Variants in ARAF observed in about 807,000 individuals in gnomAD.
The protein encoded by ARAF is A-Raf proto-oncogene, serine/threonine kinase, also known as serine/threonine-protein kinase A-Raf.
Under a neutral mutation model 48.0 loss-of-function variants are expected in ARAF, and 18 were observed. The ratio of observed to expected loss-of-function variants is 0.37; its 90% confidence interval spans 0.26 to 0.56. The LOEUF (loss-of-function observed/expected upper bound fraction) is 0.56. ARAF is among the 20% of genes least tolerant of loss of function. The probability of loss-of-function intolerance (pLI) is 0.77; values close to 1 mark genes in which losing one functional copy is unlikely to be tolerated. For synonymous variants in ARAF, 207 were observed against 220.1 expected (o/e 0.94, Z 0.53); for missense variants, 389 against 543.1 (o/e 0.72, Z 2.82).
At chrX:47,569,380 C>A in intron 12 of ARAF, 159 bp from the exon 13 acceptor site, 1 of 502,275 alleles carries the variant, frequency 2.0e-6, no homozygotes, top group Non-Finnish European at 3.4e-6. Context: ...AGCAGGCGTT[C>A]CCTGCCCACG....
rs887715188 is a variant in ARAF at position 47,569,940 on chromosome X, G to A, written c.1467G>A (p.Gln489=). The change falls in exon 14 of 16, where the codon CAG becomes CAA. Residue 489 remains glutamine, a synonymous_variant. Coordinates refer to ENST00000377045, the MANE Select transcript of ARAF (RefSeq NM_001654.5). ...AGGACCCGAACCCCTACAGCTTCCAGTCAGACGTCTATGCCTACGGGGTTG... is the reference window on the plus strand; with the variant it reads ...AGGACCCGAACCCCTACAGCTTCCAATCAGACGTCTATGCCTACGGGGTTG... ...RMQDPNPYSF[Q]SDVYAYGVVL... is the part of the protein sequence containing the mutation. 4.2e-6 allele frequency: 5 copies of A among 1,203,937 alleles called. No homozygotes were observed. The highest frequency in any genetic ancestry group is 1.8e-5 in the South Asian group (1 of 55,832).
intron 14 of ARAF, 27 bp downstream of exon 14, chrX:47,570,051 C>T (rs1190451349): frequency 1.7e-6 from 2 of 1,197,791 alleles, no homozygotes; most frequent in Admixed American, 2.2e-5. Context: ...ACCCACAGTT[C>T]CCTGGGCTGA....
chrX:47,567,481 A>G, intron 10 of ARAF, 49 bp downstream of exon 10: 1 of 1,139,988 alleles, frequency 8.8e-7, no homozygotes, highest in Non-Finnish European at 1.2e-6. Context: ...CGGCCTTGGC[A>G]TCTCTCTGGG....
At chrX:47,571,113 G>A in intron 15 of ARAF, 101 bp downstream of exon 15, 1 of 515,483 alleles carries the variant, frequency 1.9e-6, no homozygotes, top group Admixed American at 6.0e-5. Flanking sequence ...GAGGTATAGT[G>A]TGTGTGTGTG....
At position 47,568,865 on chromosome X, in the gene ARAF, C is replaced by T. The variant is rs1034661343; in HGVS notation, c.1224C>T (p.Asp408=). ...GCTTCGACATGGTCCAGCTCATCGA[C>T]GTGGCCCGGCAGACTGCCCAGGGCA... ...DTRFDMVQLI[D]VARQTAQGMD... is the part of the protein sequence containing the mutation. The change falls in exon 11 of 16, where the codon GAC becomes GAT. Residue 408 remains aspartate, a synonymous_variant. Coordinates refer to ENST00000377045, the MANE Select transcript of ARAF (RefSeq NM_001654.5). The T allele has an allele frequency of 1.2e-5, 14 of 1,207,923 alleles. No individual in the cohort carries two copies. Among genetic ancestry groups the T allele is most frequent in the Admixed American group, 4.4e-5 (2 of 45,712 alleles).
Position 47,566,630 on chromosome X carries a change from C to T in ARAF, c.558-9C>T, listed in dbSNP as rs368550075. On this transcript the variant is annotated splice_polypyrimidine_tract_variant and intron_variant, in intron 6 of 15. Transcript: ENST00000377045. ...CCTGGCAGTGATTTCACAGCCTTTC[C>T]CCTGGCAGCCCCCGCACCCAGCACT... 5.2e-6 allele frequency: 6 copies of T among 1,145,965 alleles called. No individual in the cohort carries two copies. Among genetic ancestry groups the T allele is most frequent in the Non-Finnish European group, 7.0e-6 (6 of 862,351 alleles). 94.4% of individuals were successfully genotyped at this position (1,145,965 alleles called of 1,213,427 possible). A position where few individuals can be genotyped will look rare whatever the true frequency, so the allele number is the denominator to read the frequency against.
chrX:47,561,764 A>C (rs1478738973), intron 1 of ARAF, among the ~76,000 whole-genome samples: 1 of 107,412 alleles, frequency 9.3e-6, no homozygotes, highest in Non-Finnish European at 1.9e-5. Context: ...CAGGTTGTCA[A>C]GGAGAATTTT....
chrX:47,571,370 G>C lies in ARAF; in HGVS notation c.1734G>C (p.Glu578Asp), dbSNP rs55852926. Residue 578 changes from glutamate (E) to aspartate (D), a missense_variant, in exon 16 of 16, where the codon GAG becomes GAC. By Grantham distance (45) the Glu-to-Asp change is conservative. Coordinates refer to ENST00000377045, the MANE Select transcript of ARAF (RefSeq NM_001654.5). ...ELLQRSLPKIERSASEPSLHR... is the reference protein window; with the variant it reads ...ELLQRSLPKIDRSASEPSLHR... Reference sequence around the variant, plus strand: ...TGCAACGGTCACTCCCCAAGATTGAGCGGAGTGCCTCGGAACCCTCCTTGC... The same window carrying C: ...TGCAACGGTCACTCCCCAAGATTGACCGGAGTGCCTCGGAACCCTCCTTGC... 271 of 1,209,028 alleles carry C rather than the reference G, an allele frequency of 2.2e-4. No individual in the cohort carries two copies. In the East Asian group the frequency reaches 6.2e-3, roughly 28 times the overall value.
intron 10 of ARAF, among the ~76,000 whole-genome samples, chrX:47,568,443 A>G (rs2057742081): frequency 9.1e-6 from 1 of 109,887 alleles, no homozygotes; most frequent in Admixed American, 9.7e-5. Context: ...TGCTGTAGGC[A>G]GGGAGGGGGA....
chrX:47,571,271 TG>T (rs66838530), intron 15 of ARAF, 51 bp from the exon 16 acceptor site: 238,740 of 1,161,155 alleles, frequency 0.21, 18,819 homozygotes, highest in East Asian at 0.41. Flanking sequence ...CTGGGGCTGT[TG>T]GGATGCCCAC....
intron 1 of ARAF, 67 bp from the exon 2 acceptor site, chrX:47,562,842 G>A (rs1251761502): frequency 1.9e-6 from 1 of 532,491 alleles, no homozygotes; most frequent in East Asian, 3.7e-5. Flanking sequence ...ATTTTATTTT[G>A]TCCCCTGCCA....
Position 47,562,977 on chromosome X carries a change from C to T in ARAF, c.10C>T (p.Pro4Ser), listed in dbSNP as rs1159713948. The change falls in exon 2 of 16, where the codon CCA (proline) becomes TCA (serine). Residue 4 changes from proline to serine, a missense_variant. By Grantham distance (74) the Pro-to-Ser change is moderately conservative (BLOSUM62 -1). This residue lies in a region of ARAF where 47 missense variants were observed against 66.9 expected (regional missense o/e 0.70). Transcript: ENST00000377045. The stretch of plus-strand genomic sequence containing the variant: ...CAAAATCTAAGGCTCCATGGAGCCA[C>T]CACGGGGCCCCCCTGCCAATGGGGC... The part of the protein sequence containing the change: MEP[P>S]RGPPANGAEP... 4 of 1,174,305 alleles carry T rather than the reference C, an allele frequency of 3.4e-6. No homozygotes were observed. The Admixed American group carries it at 7.4e-5, about 22-fold the overall frequency.
chrX:47,569,687 C>A, intron 13 of ARAF, 30 bp downstream of exon 13: 1 of 1,176,090 alleles, frequency 8.5e-7, no homozygotes, highest in South Asian at 1.8e-5. Context: ...ATGGGGGGCA[C>A]ATGGGGACGT....
chrX:47,566,131 G>A (rs2057731678), intron 6 of ARAF, among the ~76,000 whole-genome samples: 1 of 110,709 alleles, frequency 9.0e-6, no homozygotes, highest in African/African-American at 3.3e-5. Flanking sequence ...TTAAAACATT[G>A]CCATTTTTAT....
At position 47,567,023 on chromosome X, in the gene ARAF, G is replaced by A. The variant is rs1175805538; in HGVS notation, c.765G>A (p.Arg255=). Residue 255 remains arginine, a synonymous_variant, in exon 9 of 16, where the codon CGG becomes CGA. Transcript: ENST00000377045. ...GSRGGSDGTP[R]GSPSPASVSS... ...GAGGAGGTAGTGATGGAACCCCCCG[G>A]GGGAGCCCCAGCCCAGCCAGCGTGT... 1 of 1,211,724 alleles carries A rather than the reference G, an allele frequency of 8.3e-7. No homozygotes were observed. The highest frequency in any genetic ancestry group is 1.1e-6 in the Non-Finnish European group (1 of 895,482).
At chrX:47,564,423 C>T (rs950244089) in intron 3 of ARAF, among the ~76,000 whole-genome samples, 1 of 112,165 alleles carries the variant, frequency 8.9e-6, no homozygotes, top group African/African-American at 3.2e-5. Context: ...TGATGCAGTT[C>T]ACACACTGCA....
intron 2 of ARAF, 37 bp from the exon 3 acceptor site, chrX:47,563,189 G>A (rs772504191): frequency 8.5e-7 from 1 of 1,172,555 alleles, no homozygotes; most frequent in Non-Finnish European, 1.2e-6. Flanking sequence ...CGCTTCTGTT[G>A]GGCATTGAGG....
Position 47,570,995 on chromosome X carries a change from C to A in ARAF, c.1669C>A (p.Arg557=), listed in dbSNP as rs767525192. ...SDCLKFQREE[R]PLFPQILATI... ...CTGCCTCAAGTTCCAGCGGGAGGAG[C>A]GGCCCCTCTTCCCCCAGGTGGGCTG... The change falls in exon 15 of 16, where the codon CGG becomes AGG. Residue 557 remains arginine, a synonymous_variant. Coordinates refer to ENST00000377045, the MANE Select transcript of ARAF (RefSeq NM_001654.5). 1.7e-6 allele frequency: 2 copies of A among 1,211,290 alleles called. No homozygotes were observed. Among genetic ancestry groups the A allele is most frequent in the Non-Finnish European group, 2.2e-6 (2 of 895,067 alleles).
intron 10 of ARAF, 132 bp from the exon 11 acceptor site, chrX:47,568,586 C>A: frequency 1.5e-6 from 1 of 672,593 alleles, no homozygotes; most frequent in South Asian, 2.7e-5. Flanking sequence ...ATGCTTTGGT[C>A]CTGAGTGCCC....
Sources: allele counts gnomAD v4.1 joint callset (sites outside exome capture counted in the v4.1 genomes callset), GRCh38; gene constraint gnomAD v4.1.1; regional missense constraint gnomAD v4.1.1; transcripts MANE v1.5; gene names NCBI Gene and HGNC (gene_info 2026-07-23, HGNC 2026-07-21).